The following NXNL2 variants were observed in gnomAD, a reference collection of about 807,000 sequenced individuals.
NXNL2 encodes nucleoredoxin like 2, also known as nucleoredoxin-like protein 2.
In NXNL2, 7 loss-of-function variants were observed where a neutral mutation model predicts 11.1. That is an observed-to-expected ratio of 0.63 (90% confidence interval 0.36 to 1.18). The LOEUF is 1.18. Ranked by LOEUF, NXNL2 falls within the 50% of genes most tolerant of loss-of-function variation. The probability of loss-of-function intolerance (pLI) is 0.02; values close to 1 mark genes in which losing one functional copy is unlikely to be tolerated. For missense variants in NXNL2, 233 were observed against 217.7 expected (o/e 1.07, Z -0.44); for synonymous variants, 109 against 101.8 (o/e 1.07, Z -0.42).
intron 1 of NXNL2, among the ~76,000 whole-genome samples, chr9:88,558,266 T>C (rs1164107191): frequency 6.6e-6 from 1 of 152,104 alleles, no homozygotes; most frequent in Non-Finnish European, 1.5e-5. Flanking sequence ...AAAGCTTCCA[T>C]GAAACCCCAA....
At chr9:88,584,299 G>A (rs957382552), downstream of NXNL2, 1 of 152,336 alleles carries the variant, frequency 6.6e-6, no homozygotes, top group Non-Finnish European at 1.5e-5. Flanking sequence ...GTGATTATAA[G>A]GGTGGGGCCT....
intron 1 of NXNL2, among the ~76,000 whole-genome samples, chr9:88,565,794 C>T (rs1488159986): frequency 1.3e-5 from 2 of 152,198 alleles, no homozygotes; most frequent in Non-Finnish European, 2.9e-5. Context: ...ACCTTGGTCT[C>T]CCAAAGTGCT....
At chr9:88,566,973 C>CATGT (rs1554706786) in intron 1 of NXNL2, among the ~76,000 whole-genome samples, 1 of 123,472 alleles carries the variant, frequency 8.1e-6, no homozygotes, top group Non-Finnish European at 1.6e-5. Context: ...TATTATCTAT[C>CATGT]ATCTATCTAT....
At chr9:88,563,354 A>G (rs1830113410) in intron 1 of NXNL2, among the ~76,000 whole-genome samples, 1 of 152,158 alleles carries the variant, frequency 6.6e-6, no homozygotes, top group African/African-American at 2.4e-5. Context: ...TTATATTCAT[A>G]CATTAGTTCT....
intron 1 of NXNL2, among the ~76,000 whole-genome samples, chr9:88,565,720 A>G (rs1480274143): frequency 6.6e-6 from 1 of 152,066 alleles, no homozygotes; most frequent in African/African-American, 2.4e-5. Flanking sequence ...TATTTTTAGT[A>G]GAGAGAGGGT....
chr9:88,547,337 G>A (rs1306558498), downstream of NXNL2, among the ~76,000 whole-genome samples: 8 of 152,206 alleles, frequency 5.3e-5, no homozygotes, highest in South Asian at 2.1e-4. Context: ...GCAGGAGCGC[G>A]TGCAGACCTC....
chr9:88,540,051 G>C (rs1235184107), intron 1 of NXNL2, among the ~76,000 whole-genome samples: 5 of 151,846 alleles, frequency 3.3e-5, no homozygotes, highest in African/African-American at 1.2e-4. Flanking sequence ...GGTGTTGTGC[G>C]GCCGGGCGTG....
chr9:88,578,726 C>G (rs546561037), downstream of NXNL2, among the ~76,000 whole-genome samples: 5 of 152,382 alleles, frequency 3.3e-5, no homozygotes, highest in South Asian at 1.0e-3. Flanking sequence ...TCAGCCCCAT[C>G]TCCTGACTTC....
At position 88,544,281 on chromosome 9, in the gene NXNL2, C is replaced by T; in HGVS notation, c.303-98C>T. 2.7e-6 allele frequency: 3 copies of T among 1,113,630 alleles called. No individual in the cohort carries two copies. In the South Asian group the frequency reaches 4.3e-5, roughly 16 times the overall value. 69.0% of individuals were successfully genotyped at this position (1,113,630 alleles called of 1,614,324 possible). A position where few individuals can be genotyped will look rare whatever the true frequency, so the allele number is the denominator to read the frequency against. On this transcript the variant is annotated intron_variant, in intron 1 of 1. Transcript: ENST00000375854. ...GCTGGGTGGGGCACCTGGTGGCTTC[C>T]TCCAAGTTGGCTGTACCTCAGGCTG...
rs930420635 is a variant in NXNL2 at position 88,535,365 on chromosome 9, C to T, written c.-70C>T. ...AGAGGCGGGGCACCGCGGCGCTCGC[C>T]GCCGCCTCCCCGCAGGTGATCATCC... On this transcript the variant is annotated 5_prime_UTR_variant, in exon 1 of 2. Transcript: ENST00000375854. 2.1e-6 allele frequency: 3 copies of T among 1,430,588 alleles called. No individual in the cohort carries two copies. The highest frequency in any genetic ancestry group is 5.4e-5 in the Admixed American group (2 of 37,268). 88.6% of individuals were successfully genotyped at this position (1,430,588 alleles called of 1,614,324 possible). A position where few individuals can be genotyped will look rare whatever the true frequency, so the allele number is the denominator to read the frequency against.
intron 2 of NXNL2, among the ~76,000 whole-genome samples, chr9:88,573,987 G>A (rs1303061021): frequency 6.6e-6 from 1 of 152,216 alleles, no homozygotes; most frequent in African/African-American, 2.4e-5. Context: ...TATTGGTGAG[G>A]ATGTGGAGCC....
chr9:88,580,095 C>T (rs993711173), downstream of NXNL2, among the ~76,000 whole-genome samples: 2 of 151,202 alleles, frequency 1.3e-5, no homozygotes, highest in African/African-American at 2.4e-5. Context: ...GCCAAGATCG[C>T]GCCATTGCAC....
intron 1 of NXNL2, chr9:88,539,575 C>G (rs1007992756): frequency 6.6e-6 from 1 of 152,308 alleles, no homozygotes; most frequent in African/African-American, 2.4e-5. Context: ...CTAAAATAAC[C>G]CATTTGCCAA....
At chr9:88,565,697 C>A (rs1035017733) in intron 1 of NXNL2, among the ~76,000 whole-genome samples, 2 of 152,108 alleles carry the variant, frequency 1.3e-5, no homozygotes, top group African/African-American at 4.8e-5. Flanking sequence ...GACACCACAC[C>A]TGGCTAATTT....
intron 1 of NXNL2, among the ~76,000 whole-genome samples, chr9:88,538,693 G>A (rs1370003947): frequency 6.6e-6 from 1 of 152,176 alleles, no homozygotes; most frequent in East Asian, 1.9e-4. Flanking sequence ...GTGTAGCCAG[G>A]GGCCACCAGA....
At chr9:88,578,061 G>A (rs1450525438), downstream of NXNL2, among the ~76,000 whole-genome samples, 1 of 152,234 alleles carries the variant, frequency 6.6e-6, no homozygotes, top group East Asian at 1.9e-4. Flanking sequence ...AAATGACTGA[G>A]AATTTGGGAA....
At chr9:88,542,958 T>A (rs1387627212) in intron 1 of NXNL2, among the ~76,000 whole-genome samples, 1 of 152,196 alleles carries the variant, frequency 6.6e-6, no homozygotes, top group Non-Finnish European at 1.5e-5. Context: ...TTACTGTCAC[T>A]GTGAGGCCCT....
rs77087684 is a variant in NXNL2 at position 88,559,725 on chromosome 9, G to C, written c.303-11362G>C. Among the ~76,000 whole-genome samples, 56 of 152,274 alleles carry C rather than the reference G, an allele frequency of 3.7e-4. 4 individuals are homozygous for C. In the East Asian group the frequency reaches 0.011, roughly 29 times the overall value. ...AAATCCCACACTTCAGAACAATCAC[G>C]ACCAGTAAGTCCCTCTACCCTGAAA... On this transcript the variant is annotated intron_variant, in intron 1 of 2. Transcript: ENST00000375855.
At chr9:88,580,247 G>A (rs1473136654), downstream of NXNL2, among the ~76,000 whole-genome samples, 2 of 150,158 alleles carry the variant, frequency 1.3e-5, no homozygotes. Context: ...TCTACTTCCT[G>A]GGTTCAAGTG....
Sources: gnomAD v4.1 joint callset for allele counts (sites outside exome capture counted in the v4.1 genomes callset) on GRCh38, gnomAD v4.1.1 for gene constraint, MANE v1.5 for transcripts, NCBI Gene and HGNC (gene_info 2026-07-23, HGNC 2026-07-21) for gene names.